The following MYOM2 variants were observed in gnomAD, a reference collection of about 807,000 sequenced individuals.
MYOM2 encodes myomesin 2.
In MYOM2, 254 loss-of-function variants were observed where a neutral mutation model predicts 187.6. The observed-to-expected ratio is 1.35, with a 90% CI of 1.22 to 1.50. The LOEUF is 1.50. Ranked by LOEUF, MYOM2 falls within the 40% of genes most tolerant of loss-of-function variation. MYOM2 has a pLI of 0.00. For missense variants in MYOM2, 2,796 were observed against 1,924.0 expected, an observed-to-expected ratio of 1.45 and a Z score of -8.48; for synonymous variants, 981 against 753.8, an observed-to-expected ratio of 1.30 and a Z score of -4.94.
At chr8:2,115,247 A>C (rs1797201698) in intron 25 of MYOM2, among the ~76,000 whole-genome samples, 1 of 152,134 alleles carries the variant, frequency 6.6e-6, no homozygotes, top group Non-Finnish European at 1.5e-5. Flanking sequence ...GTTTTAGTGA[A>C]GTTAAAAAGT....
intron 25 of MYOM2, among the ~76,000 whole-genome samples, chr8:2,114,980 T>G (rs891110879): frequency 9.2e-5 from 14 of 152,174 alleles, no homozygotes; most frequent in Admixed American, 3.3e-4. Flanking sequence ...CAATACCATA[T>G]GAAATTGGTT....
At chr8:2,125,700 T>A (rs1797612496) in intron 31 of MYOM2, among the ~76,000 whole-genome samples, 1 of 140,112 alleles carries the variant, frequency 7.1e-6, no homozygotes, top group Non-Finnish European at 1.5e-5. Flanking sequence ...CTCCATCTCC[T>A]GGGTTCAAGC....
At chr8:2,129,292 G>A (rs1259980800) in intron 32 of MYOM2, 60 bp downstream of exon 32, 4 of 1,168,956 alleles carry the variant, frequency 3.4e-6, no homozygotes, top group East Asian at 2.4e-5. Flanking sequence ...AGGGCGCACA[G>A]CTGGGACCAG....
At position 2,124,210 on chromosome 8, in the gene MYOM2, A is replaced by T. The variant is rs1258051416; in HGVS notation, c.3687A>T (p.Arg1229Ser). The change falls in exon 31 of 37, where the codon AGA becomes AGT. Residue 1229 changes from arginine to serine, a missense_variant. Transcript: ENST00000262113. Reference protein sequence around the residue: ...VYDDMILAMSRVCGKSASPLK... With the variant: ...VYDDMILAMSSVCGKSASPLK... ...ATGATATGATTTTGGCAATGAGTAG[A>T]GTCTGTGGTAAGTAAATGCCTTTTA... 1 of 1,612,540 alleles carries T rather than the reference A, an allele frequency of 6.2e-7. No homozygotes were observed. The highest frequency in any genetic ancestry group is 8.5e-7 in the Non-Finnish European group (1 of 1,178,978).
intron 6 of MYOM2, 57 bp downstream of exon 6, chr8:2,059,302 C>A: frequency 6.6e-7 from 1 of 1,518,372 alleles, no homozygotes; most frequent in Non-Finnish European, 9.1e-7. Context: ...ATTGCAGACC[C>A]CAAAGAAGAA....
chr8:2,046,113 C>G (rs1251741893), intron 1 of MYOM2, among the ~76,000 whole-genome samples: 2 of 152,226 alleles, frequency 1.3e-5, no homozygotes, highest in Non-Finnish European at 2.9e-5. Flanking sequence ...TCCCTTTCCC[C>G]TCTAGAAAGC....
At chr8:2,055,610 A>C (rs1243553764) in intron 3 of MYOM2, among the ~76,000 whole-genome samples, 1 of 152,178 alleles carries the variant, frequency 6.6e-6, no homozygotes, top group African/African-American at 2.4e-5. Flanking sequence ...CTCCCACCTC[A>C]TTTCTGTACG....
intron 23 of MYOM2, among the ~76,000 whole-genome samples, chr8:2,107,822 C>T (rs1182514344): frequency 2.0e-5 from 3 of 152,212 alleles, no homozygotes; most frequent in Admixed American, 6.5e-5. Flanking sequence ...TGAAGGACTT[C>T]TGAAAAGCTG....
In MYOM2 at chr8:2,052,976, T is replaced by G. The variant is rs78585462; in HGVS notation, c.263+663T>G. On this transcript the variant is annotated intron_variant, in intron 3 of 36. Transcript: ENST00000262113. Reference sequence around the variant, plus strand: ...TGCCAGTCTTAAAATTATTTCCAGATGACGGAGAAACAGGTGGTGATATGG... The same window carrying G: ...TGCCAGTCTTAAAATTATTTCCAGAGGACGGAGAAACAGGTGGTGATATGG... 7.9e-5 allele frequency among the ~76,000 whole-genome samples: 12 copies of G among 152,334 alleles called. No homozygotes were observed. The East Asian group carries it at 2.3e-3, about 29-fold the overall frequency.
chr8:2,085,434 G>GT (rs1819786333), intron 14 of MYOM2, 44 bp downstream of exon 14: 1 of 1,601,864 alleles, frequency 6.2e-7, no homozygotes, highest in Admixed American at 1.7e-5. Flanking sequence ...TCTCTGCATG[G>GT]CCCCCCACTG....
intron 8 of MYOM2, among the ~76,000 whole-genome samples, chr8:2,069,831 A>G (rs1327096058): frequency 6.6e-6 from 1 of 152,196 alleles, no homozygotes; most frequent in Non-Finnish European, 1.5e-5. Context: ...ACTTGGAGAG[A>G]CTTTACGTTT....
intron 6 of MYOM2, among the ~76,000 whole-genome samples, chr8:2,066,510 T>C (rs973578077): frequency 1.3e-5 from 2 of 152,048 alleles, no homozygotes; most frequent in Non-Finnish European, 2.9e-5. Context: ...TATATTTGGG[T>C]TTGGAGAATG....
At chr8:2,054,037 C>T (rs1818577625) in intron 3 of MYOM2, among the ~76,000 whole-genome samples, 1 of 152,134 alleles carries the variant, frequency 6.6e-6, no homozygotes, top group Non-Finnish European at 1.5e-5. Context: ...ATGAGTGAGC[C>T]CCGTGCTGAG....
At position 2,078,621 on chromosome 8, in the gene MYOM2, C is replaced by T. The variant is rs376993376; in HGVS notation, c.1263-113C>T. 149 of 930,850 alleles carry T rather than the reference C, an allele frequency of 1.6e-4. 1 individual carries two copies. Among genetic ancestry groups the T allele is most frequent in the Non-Finnish European group, 2.4e-4 (142 of 601,214 alleles). The allele number at this position is 930,850 out of a possible 1,614,324, so 57.7% of individuals were successfully genotyped here. On this transcript the variant is annotated intron_variant, in intron 11 of 36. Transcript: ENST00000262113. ...ATCTTAGCAGCAAAGATTTTACTGG[C>T]GTGAGATATTGTCCTGTTATAATCA... is the stretch of plus-strand genomic sequence containing the variant.
chr8:2,094,627 G>A (rs75537533), intron 17 of MYOM2, among the ~76,000 whole-genome samples: 2 of 152,170 alleles, frequency 1.3e-5, no homozygotes, highest in African/African-American at 4.8e-5. Context: ...CTCCAGCCTG[G>A]GGGGACAGAG....
At chr8:2,127,793 A>C (rs369491036) in intron 31 of MYOM2, 1 of 156,656 alleles carries the variant, frequency 6.4e-6, no homozygotes, top group Non-Finnish European at 1.4e-5. Context: ...GCGTGACGCC[A>C]TGACGCAGCC....
rs1300617277 is a variant in MYOM2 at position 2,085,648 on chromosome 8, C to A, written c.1644+258C>A. ...CACAGTCGTGATCTCTTTGTGGCCC[C>A]CCACTGTCGTGATCTCTGCGTGGCC... On this transcript the variant is annotated intron_variant, in intron 14 of 36. Coordinates refer to ENST00000262113, the MANE Select transcript of MYOM2 (RefSeq NM_003970.4). 4.7e-4 allele frequency among the ~76,000 whole-genome samples: 4 copies of A among 8,502 alleles called. 1 individual carries two copies. Among genetic ancestry groups the A allele is most frequent in the East Asian group, 0.037 (2 of 54 alleles). The allele number at this position is 8,502 out of a possible 152,430, so 5.6% of individuals were successfully genotyped here. A position where few individuals can be genotyped will look rare whatever the true frequency, so the allele number is the denominator to read the frequency against.
chr8:2,086,916 C>A (rs148148287), intron 14 of MYOM2, among the ~76,000 whole-genome samples: 1 of 151,700 alleles, frequency 6.6e-6, no homozygotes, highest in Admixed American at 6.6e-5. Context: ...GGGTTAGACT[C>A]GCCAGATATC....
At chr8:2,077,753 C>G (rs766704287) in intron 11 of MYOM2, among the ~76,000 whole-genome samples, 21 of 152,162 alleles carry the variant, frequency 1.4e-4, no homozygotes, top group Non-Finnish European at 2.5e-4. Flanking sequence ...AAAGCGCAAA[C>G]ATGAAATTCA....
Sources: gnomAD v4.1 joint callset for allele counts (sites outside exome capture counted in the v4.1 genomes callset) on GRCh38, gnomAD v4.1.1 for gene constraint, MANE v1.5 for transcripts, NCBI Gene and HGNC (gene_info 2026-07-23, HGNC 2026-07-21) for gene names.